Variants in KLHL2 observed in about 807,000 individuals in gnomAD.
KLHL2 encodes the protein kelch like family member 2, also known as kelch-like protein 2.
A neutral mutation model predicts 75.8 loss-of-function variants in KLHL2; 15 were observed. The observed-to-expected ratio is 0.20, with a 90% CI of 0.13 to 0.30. The LOEUF (loss-of-function observed/expected upper bound fraction) is 0.30. KLHL2 is among the 10% of genes least tolerant of loss of function. The probability of loss-of-function intolerance (pLI) is 1.00; values close to 1 mark genes in which losing one functional copy is unlikely to be tolerated. For synonymous variants in KLHL2, 214 were observed against 251.9 expected, an observed-to-expected ratio of 0.85 and a Z score of 1.42; for missense variants, 381 against 741.0, an observed-to-expected ratio of 0.51 and a Z score of 5.64.
chr4:165,209,819 T>A (rs767322457), intron 1 of KLHL2: 4 of 276,830 alleles, frequency 1.4e-5, no homozygotes, highest in Non-Finnish European at 2.7e-5. Flanking sequence ...TATTTTCATT[T>A]GGTTCTGTCC....
intron 4 of KLHL2, among the ~76,000 whole-genome samples, chr4:165,250,274 A>G (rs1485994540): frequency 6.6e-6 from 1 of 152,224 alleles, no homozygotes. Flanking sequence ...TCGTAGCCAC[A>G]CATCTAGAAG....
At chr4:165,242,605 T>G (rs2111120955) in intron 4 of KLHL2, among the ~76,000 whole-genome samples, 1 of 152,272 alleles carries the variant, frequency 6.6e-6, no homozygotes, top group Non-Finnish European at 1.5e-5. Flanking sequence ...CAAGCAATTC[T>G]CCCACCTCAG....
At chr4:165,295,936 C>T (rs997688760) in intron 6 of KLHL2, among the ~76,000 whole-genome samples, 5 of 152,262 alleles carry the variant, frequency 3.3e-5, no homozygotes, top group Admixed American at 2.0e-4. Context: ...GAGGAGAAAA[C>T]CATGCCAAAA....
chr4:165,244,879 T>A (rs1357606660), intron 4 of KLHL2, among the ~76,000 whole-genome samples: 1 of 152,112 alleles, frequency 6.6e-6, no homozygotes, highest in Non-Finnish European at 1.5e-5. Flanking sequence ...TGTGTGTGTG[T>A]TTTTTTTGAC....
At chr4:165,216,634 A>T (rs1737558876) in intron 1 of KLHL2, among the ~76,000 whole-genome samples, 1 of 152,176 alleles carries the variant, frequency 6.6e-6, no homozygotes, top group South Asian at 2.1e-4. Context: ...TATTCCTAGT[A>T]TGTATATGTA....
chr4:165,301,800 A>G (rs1303194351), intron 8 of KLHL2, among the ~76,000 whole-genome samples: 2 of 152,134 alleles, frequency 1.3e-5, no homozygotes, highest in African/African-American at 4.8e-5. Context: ...TTCTTCTTGT[A>G]TATTCCTTCC....
chr4:165,293,797 T>TA (rs2126489614), intron 5 of KLHL2, among the ~76,000 whole-genome samples: 1 of 152,032 alleles, frequency 6.6e-6, no homozygotes, highest in African/African-American at 2.4e-5. Flanking sequence ...ATTATAGGCA[T>TA]GAGCCACTGC....
intron 12 of KLHL2, 25 bp downstream of exon 12, chr4:165,313,391 C>A: frequency 7.0e-7 from 1 of 1,429,390 alleles, no homozygotes; most frequent in Non-Finnish European, 9.2e-7. Context: ...GTTTTAGCAA[C>A]TGAAGCACAA....
chr4:165,283,068 G>C (rs1251504298), intron 5 of KLHL2, among the ~76,000 whole-genome samples: 1 of 152,112 alleles, frequency 6.6e-6, no homozygotes, highest in Non-Finnish European at 1.5e-5. Flanking sequence ...CACGAGAACA[G>C]CATGGGAAAG....
At chr4:165,265,842 G>A (rs1276690481) in intron 5 of KLHL2, among the ~76,000 whole-genome samples, 2 of 152,152 alleles carry the variant, frequency 1.3e-5, no homozygotes, top group Non-Finnish European at 2.9e-5. Flanking sequence ...ACCCAGTAAT[G>A]GGATTGCTGG....
chr4:165,210,166 C>T (rs777482382), intron 1 of KLHL2: 1 of 1,551,660 alleles, frequency 6.4e-7, no homozygotes, highest in Non-Finnish European at 8.7e-7. Context: ...AAGCACGGCC[C>T]CAGATTCTCT....
At chr4:165,265,279 CT>C (rs1442530458) in intron 5 of KLHL2, among the ~76,000 whole-genome samples, 2 of 151,856 alleles carry the variant, frequency 1.3e-5, no homozygotes, top group Admixed American at 1.3e-4. Context: ...GATATTAGTC[CT>C]TTGTCAGAGG....
chr4:165,210,277 A>G, intron 1 of KLHL2: 3 of 1,189,288 alleles, frequency 2.5e-6, no homozygotes, highest in Non-Finnish European at 2.4e-6. Context: ...GTTCTCTTTT[A>G]ACATCCAAAT....
intron 4 of KLHL2, among the ~76,000 whole-genome samples, chr4:165,243,459 A>G (rs1739985014): frequency 1.3e-5 from 2 of 152,252 alleles, no homozygotes; most frequent in African/African-American, 4.8e-5. Context: ...AGAATTTGAG[A>G]AACATCTGAC....
At position 165,322,013 on chromosome 4, in the gene KLHL2, T is replaced by C. The variant is rs1193230293; in HGVS notation, c.1754-19T>C. On this transcript the variant is annotated intron_variant, in intron 14 of 14. Coordinates refer to ENST00000226725, the MANE Select transcript of KLHL2 (RefSeq NM_007246.4). The stretch of plus-strand genomic sequence containing the variant: ...TGCTGCCTGTGACTTCTTTTTTCTC[T>C]CTTCATTTCTTTGCTCAGGGGTCAC... The C allele has an allele frequency of 6.2e-7, 1 of 1,612,980 alleles. No homozygotes were observed. The highest frequency in any genetic ancestry group is 1.7e-5 in the Admixed American group (1 of 60,012).
chr4:165,281,536 C>T (rs1007174547), intron 5 of KLHL2, among the ~76,000 whole-genome samples: 7 of 152,076 alleles, frequency 4.6e-5, no homozygotes, highest in South Asian at 2.1e-4. Flanking sequence ...AGGATGGTCT[C>T]GATCTCCTGA....
chr4:165,232,496 C>T (rs1178440212), intron 3 of KLHL2, among the ~76,000 whole-genome samples: 1 of 151,682 alleles, frequency 6.6e-6, no homozygotes, highest in Non-Finnish European at 1.5e-5. Context: ...TTTGGGAGGC[C>T]GAGGTGGCAG....
At chr4:165,311,158 T>TA (rs1746157457) in intron 10 of KLHL2, among the ~76,000 whole-genome samples, 1 of 152,194 alleles carries the variant, frequency 6.6e-6, no homozygotes, top group South Asian at 2.1e-4. Flanking sequence ...AACTGGTATT[T>TA]AAAGATAAGT....
intron 5 of KLHL2, among the ~76,000 whole-genome samples, chr4:165,280,042 G>A (rs1223001684): frequency 1.3e-5 from 2 of 152,144 alleles, no homozygotes; most frequent in Non-Finnish European, 2.9e-5. Flanking sequence ...GAACTCTGGG[G>A]TCCCTACCTT....
Sources: gnomAD v4.1 joint callset for allele counts (sites outside exome capture counted in the v4.1 genomes callset) on GRCh38, gnomAD v4.1.1 for gene constraint, MANE v1.5 for transcripts, NCBI Gene and HGNC (gene_info 2026-07-23, HGNC 2026-07-21) for gene names.